Variants in CDH2 observed in about 807,000 individuals in gnomAD.
CDH2 encodes cadherin-2.
Under a neutral mutation model 92.0 loss-of-function variants are expected in CDH2, and 17 were observed. The observed-to-expected ratio is 0.18, with a 90% confidence interval of 0.13 to 0.28. The LOEUF is 0.28. Among genes scored for constraint, CDH2 ranks in the 10% least tolerant of loss-of-function variants. CDH2 has a pLI of 1.00. For missense variants in CDH2, 862 were observed against 1,133.1 expected, an observed-to-expected ratio of 0.76 and a Z score of 3.44; for synonymous variants, 419 against 415.9, an observed-to-expected ratio of 1.01 and a Z score of -0.09.
At chr18:28,037,057 T>TA (rs1185047129) in intron 2 of CDH2, among the ~76,000 whole-genome samples, 2 of 152,178 alleles carry the variant, frequency 1.3e-5, no homozygotes, top group Admixed American at 1.3e-4. Context: ...ATGCTTTGCA[T>TA]ACTCAGTAGC....
rs2015421154 is a variant in CDH2, at chr18:28,112,008, TAGAAG to T, written c.172+35660_172+35664del. Among the ~76,000 whole-genome samples, 3 of 152,332 alleles carry T rather than the reference TAGAAG, an allele frequency of 2.0e-5. No homozygotes were observed. The South Asian group carries it at 6.2e-4, about 32-fold the overall frequency. ...ACACATATTCTTCTATCTACAAAAC[TAGAAG>T]GACAGTCTGACCTTAGCATTTAAGG... On this transcript the variant is annotated intron_variant, in intron 2 of 15. Coordinates refer to ENST00000269141, the MANE Select transcript of CDH2 (RefSeq NM_001792.5).
intron 2 of CDH2, among the ~76,000 whole-genome samples, chr18:28,038,246 A>C (rs905516191): frequency 6.6e-6 from 1 of 151,984 alleles, no homozygotes; most frequent in Non-Finnish European, 1.5e-5. Flanking sequence ...AATATGGCAA[A>C]ACTCCGTATC....
At position 28,091,587 on chromosome 18, in the gene CDH2, C is replaced by T. The variant is rs542408717; in HGVS notation, c.172+56086G>A. Among the ~76,000 whole-genome samples, 4 of 152,208 alleles carry T rather than the reference C, an allele frequency of 2.6e-5. No individual in the cohort carries two copies. The East Asian group carries it at 5.8e-4, about 22-fold the overall frequency. ...AACTCAAATTATTTTTTAGAGTATA[C>T]GTTTCCTGAAGCTTCACAGAAAATG... On this transcript the variant is annotated intron_variant, in intron 2 of 15. Transcript: ENST00000269141.
chr18:28,043,480 ATAT>A (rs2013998365), intron 2 of CDH2, among the ~76,000 whole-genome samples: 10 of 76,900 alleles, frequency 1.3e-4, no homozygotes, highest in Admixed American at 1.1e-3. Flanking sequence ...ATATATATAT[ATAT>A]ATATATATAT....
chr18:27,952,459 T>C (rs1909508636), intron 15 of CDH2, 100 bp from the exon 16 acceptor site: 5 of 883,518 alleles, frequency 5.7e-6, no homozygotes, highest in Non-Finnish European at 1.8e-6. Flanking sequence ...AAACAAACAC[T>C]TGTTTGTAAA....
chr18:28,007,433 T>C (rs1294516149), intron 5 of CDH2, among the ~76,000 whole-genome samples: 1 of 151,800 alleles, frequency 6.6e-6, no homozygotes, highest in Non-Finnish European at 1.5e-5. Context: ...TTAAGTCTGA[T>C]GCTTGCCATT....
chr18:28,146,702 A>G (rs1258922699), intron 2 of CDH2: 2 of 152,102 alleles, frequency 1.3e-5, no homozygotes, highest in East Asian at 1.9e-4. Context: ...GTACTATACC[A>G]CTAAGGTTTG....
intron 2 of CDH2, among the ~76,000 whole-genome samples, chr18:28,025,234 T>C (rs776399883): frequency 1.3e-5 from 2 of 152,070 alleles, no homozygotes; most frequent in Non-Finnish European, 2.9e-5. Flanking sequence ...CAGAAAATAA[T>C]AGGCTGGGCG....
intron 2 of CDH2, among the ~76,000 whole-genome samples, chr18:28,055,304 C>G (rs1177234338): frequency 6.6e-6 from 1 of 152,098 alleles, no homozygotes; most frequent in Non-Finnish European, 1.5e-5. Flanking sequence ...CCACAACATG[C>G]GGGAATTATG....
At chr18:28,145,824 A>G (rs2016026415) in intron 2 of CDH2, among the ~76,000 whole-genome samples, 1 of 151,992 alleles carries the variant, frequency 6.6e-6, no homozygotes, top group African/African-American at 2.4e-5. Flanking sequence ...CATGTGAAAA[A>G]CTGTTTAAAA....
At chr18:28,157,111 C>T (rs1431564026) in intron 1 of CDH2, among the ~76,000 whole-genome samples, 1 of 152,138 alleles carries the variant, frequency 6.6e-6, no homozygotes, top group African/African-American at 2.4e-5. Context: ...GATAATGGCC[C>T]AGGCAGCTGT....
At chr18:28,094,012 G>A (rs895177176) in intron 2 of CDH2, among the ~76,000 whole-genome samples, 4 of 152,050 alleles carry the variant, frequency 2.6e-5, no homozygotes, top group Non-Finnish European at 4.4e-5. Context: ...ATTATTCTTG[G>A]AGCACATTAA....
intron 14 of CDH2, among the ~76,000 whole-genome samples, chr18:27,974,113 CTTTT>C (rs1411713626): frequency 2.6e-5 from 4 of 152,152 alleles, no homozygotes; most frequent in Non-Finnish European, 2.9e-5. Context: ...TTCTCTCTCT[CTTTT>C]TTTCTCTCTC....
chr18:27,986,293 A>G (rs923063617), intron 11 of CDH2, among the ~76,000 whole-genome samples: 2 of 152,208 alleles, frequency 1.3e-5, no homozygotes, highest in African/African-American at 4.8e-5. Context: ...GAGAAATGAT[A>G]TTTACTAACC....
chr18:28,143,735 C>A (rs1476493828), intron 2 of CDH2, among the ~76,000 whole-genome samples: 2 of 151,834 alleles, frequency 1.3e-5, no homozygotes, highest in Non-Finnish European at 2.9e-5. Context: ...AATCAGGAAA[C>A]CTGGGTTCTA....
chr18:28,101,992 C>A (rs576466162), intron 2 of CDH2, among the ~76,000 whole-genome samples: 2 of 152,026 alleles, frequency 1.3e-5, no homozygotes, highest in Admixed American at 1.3e-4. Flanking sequence ...AGAAAAAAAA[C>A]GAGGAATGTG....
chr18:27,997,647 C>T (rs1487099462), intron 7 of CDH2, among the ~76,000 whole-genome samples: 20 of 152,036 alleles, frequency 1.3e-4, no homozygotes, highest in Admixed American at 1.3e-3. Flanking sequence ...CCTTGGGAGA[C>T]TGAGGAGAAG....
intron 2 of CDH2, among the ~76,000 whole-genome samples, chr18:28,020,976 A>C (rs551568091): frequency 6.6e-6 from 1 of 152,000 alleles, no homozygotes; most frequent in East Asian, 1.9e-4. Context: ...TTAAGTTGAA[A>C]AAGTATAACA....
intron 2 of CDH2, among the ~76,000 whole-genome samples, chr18:28,062,866 C>T (rs191158825): frequency 2.6e-4 from 40 of 152,058 alleles, no homozygotes; most frequent in African/African-American, 8.4e-4. Context: ...CCAGCTACTC[C>T]GGAGGCTGAG....
Sources: allele counts gnomAD v4.1 joint callset (sites outside exome capture counted in the v4.1 genomes callset), GRCh38; gene constraint gnomAD v4.1.1; transcripts MANE v1.5; gene names NCBI Gene and HGNC (gene_info 2026-07-23, HGNC 2026-07-21).